Variants in CACFD1 observed in about 807,000 individuals in gnomAD.
The protein encoded by CACFD1 is calcium channel flower homolog.
In CACFD1, 26 loss-of-function variants were observed where a neutral mutation model predicts 21.3. The ratio of observed to expected loss-of-function variants is 1.22; its 90% confidence interval spans 0.89 to 1.69. The LOEUF is 1.69. Ranked by LOEUF, CACFD1 falls within the 40% of genes most tolerant of loss-of-function variation. The pLI is 0.00. For missense variants in CACFD1, 265 were observed against 236.2 expected, an observed-to-expected ratio of 1.12 and a Z score of -0.80; for synonymous variants, 121 against 106.6, an observed-to-expected ratio of 1.13 and a Z score of -0.83.
Position 133,465,699 on chromosome 9 carries a change from C to A in CACFD1, c.320+252C>A. ...TTCAGAGGTATATGAGCATGTGTGGCAGCATCCGTGCAGTGGAGAGAAAGT... is the reference window on the plus strand; with the variant it reads ...TTCAGAGGTATATGAGCATGTGTGGAAGCATCCGTGCAGTGGAGAGAAAGT... On this transcript the variant is annotated intron_variant, in intron 3 of 4. Coordinates refer to ENST00000316948, the MANE Select transcript of CACFD1 (RefSeq NM_017586.5). The surrounding 1 kb of genome is among the most constrained non-coding windows in gnomAD (Gnocchi z 5.0). 1 of 483,926 alleles carries A rather than the reference C, an allele frequency of 2.1e-6. No homozygotes were observed. The highest frequency in any genetic ancestry group is 3.7e-6 in the Non-Finnish European group (1 of 270,840). 30.0% of individuals were successfully genotyped at this position (483,926 alleles called of 1,614,324 possible).
chr9:133,463,471 T>C lies in CACFD1; in HGVS notation c.122-12T>C. ...CTCCCTGCTGACTCCTGCCCGTGTC[T>C]CTTGTTTCAAGCTTGCGCGATCTCT... On this transcript the variant is annotated splice_polypyrimidine_tract_variant and intron_variant, in intron 1 of 4. Coordinates refer to ENST00000316948, the MANE Select transcript of CACFD1 (RefSeq NM_017586.5). 1.9e-6 allele frequency: 3 copies of C among 1,614,036 alleles called. No individual in the cohort carries two copies. The highest frequency in any genetic ancestry group is 2.5e-6 in the Non-Finnish European group (3 of 1,180,004).
chr9:133,469,786 G>A lies in CACFD1; in HGVS notation c.*1133G>A, dbSNP rs1554800558. ...GTCGGGCCTGGCTTAGCCCAGGTGGGGTTTGGCAGAAGCGGGCGGGTGTGG... is the reference window on the plus strand; with the variant it reads ...GTCGGGCCTGGCTTAGCCCAGGTGGAGTTTGGCAGAAGCGGGCGGGTGTGG... On this transcript the variant is annotated 3_prime_UTR_variant, in exon 5 of 5. Coordinates refer to ENST00000316948, the MANE Select transcript of CACFD1 (RefSeq NM_017586.5). 2 of 152,368 alleles carry A rather than the reference G, an allele frequency of 1.3e-5. No homozygotes were observed. Among genetic ancestry groups the A allele is most frequent in the Non-Finnish European group, 2.9e-5 (2 of 68,126 alleles). 9.4% of individuals were successfully genotyped at this position (152,368 alleles called of 1,614,324 possible). A position where few individuals can be genotyped will look rare whatever the true frequency, so the allele number is the denominator to read the frequency against.
intron 1 of CACFD1, among the ~76,000 whole-genome samples, chr9:133,462,746 G>A (rs1037647040): frequency 4.8e-4 from 73 of 152,222 alleles, no homozygotes; most frequent in Admixed American, 3.7e-3. Context: ...GAGGCGGGGC[G>A]TCAAGGCTGC....
At chr9:133,468,096 G>T in intron 4 of CACFD1, 68 bp downstream of exon 4, 2 of 1,361,134 alleles carry the variant, frequency 1.5e-6, no homozygotes, top group Non-Finnish European at 2.1e-6. Context: ...CCTTCAGTGA[G>T]GAGGATCTGA....
intron 2 of CACFD1, 119 bp downstream of exon 2, chr9:133,463,674 G>A (rs1278975164): frequency 3.8e-6 from 4 of 1,040,076 alleles, no homozygotes; most frequent in Non-Finnish European, 5.9e-6. Context: ...GGTTGCCATG[G>A]CTACTGGCTC....
In CACFD1 at chr9:133,470,258, C is replaced by G. The variant is rs1463562431; in HGVS notation, c.*1605C>G. 6.6e-6 allele frequency: 1 copy of G among 152,226 alleles called. No individual in the cohort carries two copies. Among genetic ancestry groups the G allele is most frequent in the Non-Finnish European group, 1.5e-5 (1 of 68,160 alleles). 9.4% of individuals were successfully genotyped at this position (152,226 alleles called of 1,614,324 possible). ...ATGTGTGTGGGTGCACACATCTGTC[C>G]CATGTATGCAGTGAGACCTGTCTAC... is the stretch of plus-strand genomic sequence containing the variant. On this transcript the variant is annotated 3_prime_UTR_variant, in exon 5 of 5. Transcript: ENST00000316948.
At chr9:133,464,140 C>G (rs587633785) in intron 2 of CACFD1, among the ~76,000 whole-genome samples, 2 of 152,354 alleles carry the variant, frequency 1.3e-5, no homozygotes, top group Non-Finnish European at 2.9e-5. Context: ...GGGGTGAGGG[C>G]AGGCCCGTGT....
intron 1 of CACFD1, among the ~76,000 whole-genome samples, chr9:133,462,506 C>T (rs921363335): frequency 6.6e-6 from 1 of 152,236 alleles, no homozygotes; most frequent in African/African-American, 2.4e-5. Context: ...GAATTCCAGA[C>T]CCAGGTGGAG....
intron 2 of CACFD1, chr9:133,464,899 C>T (rs1057406460): frequency 6.0e-5 from 10 of 165,838 alleles, no homozygotes; most frequent in East Asian, 3.7e-4. Context: ...GTGCCACTGA[C>T]GGCTTTTGGT....
rs1554800346 is a variant in CACFD1, at chr9:133,469,079, C to T, written c.*426C>T. 1 of 209,976 alleles carries T rather than the reference C, an allele frequency of 4.8e-6. No homozygotes were observed. The highest frequency in any genetic ancestry group is 2.3e-5 in the African/African-American group (1 of 43,628). 13.0% of individuals were successfully genotyped at this position (209,976 alleles called of 1,614,324 possible). A position where few individuals can be genotyped will look rare whatever the true frequency, so the allele number is the denominator to read the frequency against. On this transcript the variant is annotated 3_prime_UTR_variant, in exon 5 of 5. Transcript: ENST00000316948. ...CCCCCAGCTCTCTTAGCAGGTGGAGCCCCAGGGCCTGGGACAGCCTGCCGC... is the reference window on the plus strand; with the variant it reads ...CCCCCAGCTCTCTTAGCAGGTGGAGTCCCAGGGCCTGGGACAGCCTGCCGC...
At chr9:133,463,284 T>C in intron 1 of CACFD1, 199 bp from the exon 2 acceptor site, 2 of 534,524 alleles carry the variant, frequency 3.7e-6, no homozygotes, top group South Asian at 8.1e-5. Context: ...CTGTGGGGCC[T>C]GGGGCAAGCA....
At chr9:133,467,609 C>T (rs1363673713) in intron 3 of CACFD1, among the ~76,000 whole-genome samples, 1 of 152,242 alleles carries the variant, frequency 6.6e-6, no homozygotes, top group Non-Finnish European at 1.5e-5. Flanking sequence ...TTCTCTGTCA[C>T]AGGCTCTTTC....
chr9:133,460,485 G>GGGCGGC (rs1564453281), intron 1 of CACFD1, among the ~76,000 whole-genome samples: 477 of 149,364 alleles, frequency 3.2e-3, no homozygotes, highest in Non-Finnish European at 4.5e-3. Flanking sequence ...GGGGGCGGGG[G>GGGCGGC]TGGGGCACCG....
chr9:133,460,121 C>T lies in CACFD1; in HGVS notation c.55C>T (p.Gln19Ter), dbSNP rs924685456. The T allele has an allele frequency of 6.4e-7, 1 of 1,562,962 alleles. No individual in the cohort carries two copies. Among genetic ancestry groups the T allele is most frequent in the Non-Finnish European group, 8.7e-7 (1 of 1,153,212 alleles). Residue 19 changes from glutamine (Q) to a stop codon, truncating the protein, a stop_gained, in exon 1 of 5, where the codon CAG becomes TAG. Transcript: ENST00000316948. LOFTEE classifies it high-confidence loss of function. Reference sequence around the variant, plus strand: ...GTCCGCCAGCTCTGCGCCGCCCGCGCAGGAAGAGGGCATGACGTGGTGGTA... The same window carrying T: ...GTCCGCCAGCTCTGCGCCGCCCGCGTAGGAAGAGGGCATGACGTGGTGGTA... ...GASASSAPPA[Q>*]EEGMTWWYRW...
rs782087581 is a variant in CACFD1 at position 133,467,913 on chromosome 9, C to A, written c.321-8C>A. ...GGAGTGCCCCCTTGACCTCTGCTTT[C>A]CCCCCAGGATGGCGGTCGTTCCCAT... On this transcript the variant is annotated splice_polypyrimidine_tract_variant and splice_region_variant and intron_variant, in intron 3 of 4. Transcript: ENST00000316948. 1.9e-6 allele frequency: 3 copies of A among 1,603,452 alleles called. No individual in the cohort carries two copies. The South Asian group carries it at 3.3e-5, about 18-fold the overall frequency.
intron 3 of CACFD1, among the ~76,000 whole-genome samples, chr9:133,467,540 C>T (rs1001869693): frequency 6.6e-6 from 1 of 152,208 alleles, no homozygotes; most frequent in Non-Finnish European, 1.5e-5. Context: ...CCCCTCTCCG[C>T]GGTGGAGATT....
In CACFD1 at chr9:133,460,105, C is replaced by G. The variant is rs781873440; in HGVS notation, c.39C>G (p.Ser13Arg). The G allele has an allele frequency of 3.2e-6, 5 of 1,563,752 alleles. No homozygotes were observed. The Admixed American group carries it at 9.2e-5, about 29-fold the overall frequency. ...SSGGAPGASA[S>R]SAPPAQEEGM... ...GTGGGGCGCCCGGGGCGTCCGCCAG[C>G]TCTGCGCCGCCCGCGCAGGAAGAGG... Residue 13 changes from serine to arginine, a missense_variant, in exon 1 of 5, where the codon AGC becomes AGG. Ser to Arg is a moderately radical substitution (Grantham distance 110). Transcript: ENST00000316948.
intron 1 of CACFD1, chr9:133,461,884 T>C (rs1843232111): frequency 2.0e-6 from 2 of 985,470 alleles, no homozygotes; most frequent in Non-Finnish European, 1.2e-6. Flanking sequence ...TGTGCCGGGC[T>C]GGTCCTTGGG....
Position 133,465,590 on chromosome 9 carries a change from T to C in CACFD1, c.320+143T>C. ...AAACTGGGATTGCCTTTGTGCACAG[T>C]GATTTGCTCATAGCTGCCAAAACGT... On this transcript the variant is annotated intron_variant, in intron 3 of 4. Transcript: ENST00000316948. This position sits in a 1 kb window ranked among gnomAD's most constrained non-coding sequence, Gnocchi z 5.0. The C allele has an allele frequency of 1.1e-6, 1 of 880,870 alleles. No individual in the cohort carries two copies. Among genetic ancestry groups the C allele is most frequent in the Non-Finnish European group, 1.7e-6 (1 of 581,476 alleles). 54.6% of individuals were successfully genotyped at this position (880,870 alleles called of 1,614,324 possible). A position where few individuals can be genotyped will look rare whatever the true frequency, so the allele number is the denominator to read the frequency against.
Sources: gnomAD v4.1 joint callset for allele counts (sites outside exome capture counted in the v4.1 genomes callset) on GRCh38, gnomAD v4.1.1 for gene constraint, Gnocchi (gnomAD v3.1) non-coding constraint, MANE v1.5 for transcripts, NCBI Gene and HGNC (gene_info 2026-07-23, HGNC 2026-07-21) for gene names.